PRKCB: variants seen among roughly 807,000 people sequenced by gnomAD.
PRKCB encodes protein kinase C beta, also known as protein kinase C beta type.
PRKCB carries 13 observed loss-of-function variants against 81.5 expected under a neutral mutation model. The observed-to-expected ratio is 0.16, with a 90% CI of 0.10 to 0.25. The LOEUF is 0.25. Among genes scored for constraint, PRKCB ranks in the 10% least tolerant of loss-of-function variants. PRKCB has a pLI of 1.00. For synonymous variants in PRKCB, 335 were observed against 321.4 expected (o/e 1.04, Z -0.45); for missense variants, 509 against 875.7 (o/e 0.58, Z 5.29).
chr16:24,179,847 C>T (rs1233526172), intron 12 of PRKCB, among the ~76,000 whole-genome samples: 2 of 152,172 alleles, frequency 1.3e-5, no homozygotes, highest in Admixed American at 1.3e-4. Flanking sequence ...TTTCCCAGCA[C>T]TGAAATTTAA....
At chr16:23,981,275 C>G (rs1964698377) in intron 2 of PRKCB, among the ~76,000 whole-genome samples, 1 of 152,016 alleles carries the variant, frequency 6.6e-6, no homozygotes, top group African/African-American at 2.4e-5. Context: ...AGAAATGGCA[C>G]AATTCCAACC....
intron 2 of PRKCB, among the ~76,000 whole-genome samples, chr16:23,961,053 T>TA (rs1255230350): frequency 3.9e-5 from 6 of 152,208 alleles, no homozygotes; most frequent in Non-Finnish European, 5.9e-5. Flanking sequence ...TCTTTCTTTT[T>TA]AAAAAAATTT....
intron 3 of PRKCB, among the ~76,000 whole-genome samples, chr16:23,993,658 C>T (rs1964918978): frequency 6.6e-6 from 1 of 152,198 alleles, no homozygotes; most frequent in South Asian, 2.1e-4. Flanking sequence ...ACCACAGCCA[C>T]TTAATTGGAA....
chr16:24,111,006 A>G (rs930111346), intron 7 of PRKCB: 1 of 152,366 alleles, frequency 6.6e-6, no homozygotes, highest in African/African-American at 2.4e-5. Context: ...CAAAGGTAGC[A>G]TCTGAATGGA....
chr16:24,110,919 G>C (rs540992218), intron 7 of PRKCB, among the ~76,000 whole-genome samples: 1 of 152,256 alleles, frequency 6.6e-6, no homozygotes, highest in East Asian at 1.9e-4. Flanking sequence ...AATAAAAAGT[G>C]TCCTTTAAAA....
intron 7 of PRKCB, chr16:24,111,394 T>C (rs1048619547): frequency 6.6e-6 from 1 of 152,166 alleles, no homozygotes; most frequent in African/African-American, 2.4e-5. Context: ...CAAATGCTTT[T>C]AGAATGTCCC....
At chr16:24,096,966 C>T (rs1444167561) in intron 7 of PRKCB, among the ~76,000 whole-genome samples, 1 of 150,722 alleles carries the variant, frequency 6.6e-6, no homozygotes, top group African/African-American at 2.4e-5. Flanking sequence ...GGACCACACA[C>T]ACATCTTTCC....
At chr16:23,940,378 A>G (rs1232367778) in intron 2 of PRKCB, among the ~76,000 whole-genome samples, 1 of 152,124 alleles carries the variant, frequency 6.6e-6, no homozygotes, top group South Asian at 2.1e-4. Context: ...GGCTCATACA[A>G]AAACCTCTGT....
In PRKCB at chr16:24,215,981, T is replaced by C; in HGVS notation, c.*1165T>C. 1 of 955,464 alleles carries C rather than the reference T, an allele frequency of 1.0e-6. No homozygotes were observed. Among genetic ancestry groups the C allele is most frequent in the Non-Finnish European group, 1.2e-6 (1 of 815,882 alleles). The allele number at this position is 955,464 out of a possible 1,614,324, so 59.2% of individuals were successfully genotyped here. ...TGCCATTTTTCTTCTAGCATCGAGA[T>C]ACAATAAAAAAAAAAAAAAAGAAAA... On this transcript the variant is annotated 3_prime_UTR_variant, in exon 17 of 17. Transcript: ENST00000643927.
intron 2 of PRKCB, among the ~76,000 whole-genome samples, chr16:23,891,412 G>C (rs1369663198): frequency 6.6e-6 from 1 of 152,122 alleles, no homozygotes; most frequent in East Asian, 1.9e-4. Flanking sequence ...TATGAGTGAT[G>C]TGTGTGTATG....
chr16:24,039,552 C>T (rs536713410), intron 5 of PRKCB, among the ~76,000 whole-genome samples: 3 of 152,300 alleles, frequency 2.0e-5, no homozygotes, highest in Non-Finnish European at 4.4e-5. Flanking sequence ...TTTAAGCCAC[C>T]CAGTCCATGG....
chr16:24,180,480 A>G (rs1437545849), intron 12 of PRKCB, among the ~76,000 whole-genome samples: 1 of 152,222 alleles, frequency 6.6e-6, no homozygotes, highest in East Asian at 1.9e-4. Flanking sequence ...GGATCCAAGA[A>G]GCGTCATGGA....
At chr16:24,173,330 G>A (rs915299268) in intron 11 of PRKCB, among the ~76,000 whole-genome samples, 1 of 152,126 alleles carries the variant, frequency 6.6e-6, no homozygotes, top group Admixed American at 6.5e-5. Context: ...ATAGGAATTA[G>A]CAATGATAAC....
intron 6 of PRKCB, 78 bp from the exon 7 acceptor site, chr16:24,094,085 T>A: frequency 6.7e-7 from 1 of 1,484,062 alleles, no homozygotes; most frequent in Non-Finnish European, 9.1e-7. Context: ...TACCTCCAGG[T>A]CTTGTCCTCT....
chr16:24,109,617 T>C (rs1158298652), intron 7 of PRKCB, among the ~76,000 whole-genome samples: 5 of 124,156 alleles, frequency 4.0e-5, no homozygotes, highest in Non-Finnish European at 6.3e-5. Flanking sequence ...CTCCTCACTT[T>C]CCAGACTGGG....
intron 10 of PRKCB, among the ~76,000 whole-genome samples, chr16:24,165,700 A>G (rs1323646153): frequency 3.3e-5 from 5 of 152,170 alleles, no homozygotes; most frequent in African/African-American, 1.2e-4. Flanking sequence ...GACTCCAGAT[A>G]TGCACTTCTT....
At chr16:24,205,765 C>T (rs573396084) in intron 16 of PRKCB, among the ~76,000 whole-genome samples, 1 of 152,212 alleles carries the variant, frequency 6.6e-6, no homozygotes, top group Non-Finnish European at 1.5e-5. Flanking sequence ...TGATTTTGCT[C>T]TCATGTGGCT....
chr16:24,195,950 G>A (rs991636357), intron 16 of PRKCB, among the ~76,000 whole-genome samples: 26 of 152,136 alleles, frequency 1.7e-4, no homozygotes, highest in Admixed American at 1.4e-3. Context: ...GATGCCCGAA[G>A]CCCTTTCCTA....
chr16:24,126,744 C>T (rs1211308773), intron 9 of PRKCB, among the ~76,000 whole-genome samples: 1 of 151,980 alleles, frequency 6.6e-6, no homozygotes, highest in Non-Finnish European at 1.5e-5. Context: ...CCATGTTGAC[C>T]AGGCTGGTCT....
Sources: gnomAD v4.1 joint callset for allele counts (sites outside exome capture counted in the v4.1 genomes callset) on GRCh38, gnomAD v4.1.1 for gene constraint, MANE v1.5 for transcripts, NCBI Gene and HGNC (gene_info 2026-07-23, HGNC 2026-07-21) for gene names.